MEGF11: variants seen among roughly 807,000 people sequenced by gnomAD.
MEGF11 encodes multiple EGF like domains 11.
Under a neutral mutation model 146.6 loss-of-function variants are expected in MEGF11, and 126 were observed. The ratio of observed to expected loss-of-function variants is 0.86; its 90% CI spans 0.74 to 1.00. The LOEUF (loss-of-function observed/expected upper bound fraction) is 1.00. Ranked by LOEUF, MEGF11 falls within the 50% of genes least tolerant of loss-of-function variation. MEGF11 has a pLI of 0.00. For missense variants in MEGF11, 1,509 were observed against 1,521.2 expected (o/e 0.99, Z 0.13); for synonymous variants, 532 against 583.4 (o/e 0.91, Z 1.27).
At chr15:66,226,463 G>C (rs2091854840) in intron 1 of MEGF11, among the ~76,000 whole-genome samples, 1 of 151,960 alleles carries the variant, frequency 6.6e-6, no homozygotes, top group Non-Finnish European at 1.5e-5. Flanking sequence ...GGCCAGTCTG[G>C]TCTTGAACTC....
chr15:66,085,647 T>C (rs771899099), intron 5 of MEGF11, among the ~76,000 whole-genome samples: 28 of 152,186 alleles, frequency 1.8e-4, no homozygotes, highest in Non-Finnish European at 3.8e-4. Context: ...ATCAAGGGAA[T>C]ACCCCATGGG....
At chr15:66,085,303 G>A (rs913152177) in intron 5 of MEGF11, among the ~76,000 whole-genome samples, 8 of 152,062 alleles carry the variant, frequency 5.3e-5, no homozygotes, top group Admixed American at 3.9e-4. Context: ...ACCCACTACC[G>A]GTCCCTCTCC....
Position 66,012,056 on chromosome 15 carries a change from C to A in MEGF11, c.395-29568G>T, listed in dbSNP as rs575236424. ...ACCAGCCTGGGCAACATAGTGAGAC[C>A]CCATCTCTTAAAAAAAAAAAAATTA... On this transcript the variant is annotated intron_variant, in intron 5 of 25. Transcript: ENST00000395614. Among the ~76,000 whole-genome samples the A allele has an allele frequency of 1.9e-4, 22 of 113,728 alleles. 2 individuals are homozygous for A. In the Middle Eastern group the frequency reaches 0.036, roughly 185 times the overall value. 74.6% of individuals were successfully genotyped at this position (113,728 alleles called of 152,430 possible).
At chr15:66,037,189 C>T (rs922033777) in intron 5 of MEGF11, among the ~76,000 whole-genome samples, 3 of 152,212 alleles carry the variant, frequency 2.0e-5, no homozygotes, top group African/African-American at 7.2e-5. Flanking sequence ...ATCCAGCCCT[C>T]CCATTACACC....
chr15:66,021,963 C>T (rs755791917), intron 5 of MEGF11, among the ~76,000 whole-genome samples: 2 of 152,258 alleles, frequency 1.3e-5, no homozygotes, highest in South Asian at 2.1e-4. Flanking sequence ...CAGGGAAGGG[C>T]GGGCACAGGG....
intron 1 of MEGF11, among the ~76,000 whole-genome samples, chr15:66,198,864 A>G (rs2091078378): frequency 6.6e-6 from 1 of 152,238 alleles, no homozygotes; most frequent in Middle Eastern, 3.4e-3. Context: ...TCCGCCTGCC[A>G]TGGCCTTCCA....
chr15:66,180,473 G>T (rs2090515989), intron 1 of MEGF11, among the ~76,000 whole-genome samples: 1 of 152,222 alleles, frequency 6.6e-6, no homozygotes, highest in South Asian at 2.1e-4. Flanking sequence ...TTCCTTCACA[G>T]AGACCCAGGA....
At chr15:66,070,404 C>T (rs2085316318) in intron 5 of MEGF11, among the ~76,000 whole-genome samples, 1 of 152,200 alleles carries the variant, frequency 6.6e-6, no homozygotes, top group Non-Finnish European at 1.5e-5. Context: ...CAAGCCTGTC[C>T]TGGCTAGGTG....
intron 5 of MEGF11, among the ~76,000 whole-genome samples, chr15:66,000,776 C>A (rs2082343313): frequency 6.6e-6 from 1 of 152,084 alleles, no homozygotes; most frequent in Admixed American, 6.6e-5. Context: ...AGACACTATT[C>A]CACAAGAAAA....
At chr15:66,010,695 T>G (rs906464028) in intron 5 of MEGF11, among the ~76,000 whole-genome samples, 1 of 152,172 alleles carries the variant, frequency 6.6e-6, no homozygotes, top group Non-Finnish European at 1.5e-5. Flanking sequence ...AGTGTCAATG[T>G]TGGACGTGCA....
chr15:66,155,387 G>A (rs898329915), intron 1 of MEGF11, among the ~76,000 whole-genome samples: 4 of 152,154 alleles, frequency 2.6e-5, no homozygotes, highest in Non-Finnish European at 4.4e-5. Flanking sequence ...CTAAGAGACC[G>A]GGTTCTCTGA....
intron 8 of MEGF11, among the ~76,000 whole-genome samples, chr15:65,965,573 TTTCTTTCTTTCTTTCTTTCTTTC>T: frequency 4.2e-5 from 1 of 23,868 alleles, no homozygotes; most frequent in Non-Finnish European, 8.6e-5. Context: ...GTGAGGTCCC[TTTCTTTCTTTCTTTCTTTCTTTC>T]TTTCTTTTTT....
intron 1 of MEGF11, among the ~76,000 whole-genome samples, chr15:66,131,739 T>C (rs956398998): frequency 2.0e-5 from 3 of 152,286 alleles, no homozygotes; most frequent in Admixed American, 6.5e-5. Context: ...TATGTCCTCA[T>C]CCTAAATATT....
At chr15:66,031,415 G>C (rs540740579) in intron 5 of MEGF11, among the ~76,000 whole-genome samples, 98 of 152,298 alleles carry the variant, frequency 6.4e-4, no homozygotes, top group Non-Finnish European at 8.2e-4. Flanking sequence ...AGGTCTTCCT[G>C]GCAAATGTCA....
intron 1 of MEGF11, among the ~76,000 whole-genome samples, chr15:66,214,030 C>CTTTTTTTTT (rs11303068): frequency 1.1e-5 from 1 of 92,334 alleles, no homozygotes; most frequent in Non-Finnish European, 2.0e-5. Context: ...GAGCCGGCCA[C>CTTTTTTTTT]TTTTTTTTTT....
At chr15:66,220,781 C>T (rs978040919) in intron 1 of MEGF11, among the ~76,000 whole-genome samples, 1 of 152,134 alleles carries the variant, frequency 6.6e-6, no homozygotes. Flanking sequence ...AAGTGATCCT[C>T]CTGCTTCGGC....
At chr15:66,012,494 C>A (rs1300519805) in intron 5 of MEGF11, among the ~76,000 whole-genome samples, 2 of 152,224 alleles carry the variant, frequency 1.3e-5, no homozygotes, top group African/African-American at 4.8e-5. Flanking sequence ...AGCAGCCCAA[C>A]TGACTCCTCC....
intron 1 of MEGF11, among the ~76,000 whole-genome samples, chr15:66,147,602 G>A (rs2089421062): frequency 6.6e-6 from 1 of 152,226 alleles, no homozygotes; most frequent in African/African-American, 2.4e-5. Context: ...GGGCAACAGT[G>A]CTCCGGGCAG....
chr15:66,073,890 C>A (rs2140488235), intron 5 of MEGF11, among the ~76,000 whole-genome samples: 1 of 152,306 alleles, frequency 6.6e-6, no homozygotes, highest in East Asian at 1.9e-4. Flanking sequence ...CATGTTTTCC[C>A]CCACATGAGC....
Sources: gnomAD v4.1 joint callset for allele counts (sites outside exome capture counted in the v4.1 genomes callset) on GRCh38, gnomAD v4.1.1 for gene constraint, MANE v1.5 for transcripts, NCBI Gene and HGNC (gene_info 2026-07-23, HGNC 2026-07-21) for gene names.